Variants in LEO1 observed in about 807,000 individuals in gnomAD.
LEO1 encodes the protein LEO1 component of Paf1/RNA polymerase II complex.
LEO1 carries 34 observed loss-of-function variants against 80.4 expected under a neutral mutation model. The ratio of observed to expected loss-of-function variants is 0.42; its 90% CI spans 0.32 to 0.56. The LOEUF is 0.56. LEO1 is among the 20% of genes least tolerant of loss of function. LEO1 has a pLI of 0.10. For synonymous variants in LEO1, 262 were observed against 274.9 expected (o/e 0.95, Z 0.46); for missense variants, 631 against 814.2 (o/e 0.77, Z 2.74).
Position 51,957,443 on chromosome 15 carries a change from G to A in LEO1, c.1245+1299C>T, listed in dbSNP as rs181413775. On this transcript the variant is annotated intron_variant, in intron 6 of 11. Coordinates refer to ENST00000299601, the MANE Select transcript of LEO1 (RefSeq NM_138792.4). ...GGCTAATAAACAGATGAGTAGATGG[G>A]TGGTGGAGGGAGGACAGGAAAAAAA... Among the ~76,000 whole-genome samples the A allele has an allele frequency of 6.6e-4, 100 of 152,230 alleles. No homozygotes were observed. The East Asian group carries it at 0.015, about 23-fold the overall frequency.
At chr15:51,946,214 A>G (rs1287441080) in intron 11 of LEO1, among the ~76,000 whole-genome samples, 1 of 151,994 alleles carries the variant, frequency 6.6e-6, no homozygotes, top group Non-Finnish European at 1.5e-5. Flanking sequence ...TTTGAGATGG[A>G]GTTTTACTCC....
intron 1 of LEO1, among the ~76,000 whole-genome samples, chr15:51,969,990 G>A (rs902285134): frequency 6.6e-6 from 1 of 152,074 alleles, no homozygotes; most frequent in African/African-American, 2.4e-5. Flanking sequence ...CAAAGATGTG[G>A]GGAAAGGGAA....
chr15:51,958,433 C>A (rs918098725), intron 6 of LEO1, among the ~76,000 whole-genome samples: 1 of 152,138 alleles, frequency 6.6e-6, no homozygotes, highest in African/African-American at 2.4e-5. Flanking sequence ...CCATCCTGAA[C>A]AACAGAGCAA....
At chr15:51,961,779 C>T (rs1025625909) in intron 3 of LEO1, among the ~76,000 whole-genome samples, 4 of 152,044 alleles carry the variant, frequency 2.6e-5, no homozygotes, top group African/African-American at 9.7e-5. Context: ...AGGAACAAAA[C>T]ACCGAGACTG....
At position 51,949,860 on chromosome 15, in the gene LEO1, C is replaced by G. The variant is rs766780626; in HGVS notation, c.1746G>C (p.Glu582Asp). The part of the protein sequence containing the change: ...PDRYDEEEEG[E>D]ESISLAAIKN... ...TAATGGCAGCCAAGCTGATGGACTC[C>G]TCGCCTTCCTCCTCCTCATCGTATC... Residue 582 changes from glutamate (E) to aspartate (D), a missense_variant, in exon 10 of 12, where the codon GAG becomes GAC. By Grantham distance (45) the Glu-to-Asp change is conservative. This residue lies in a region of LEO1 where 117 missense variants were observed against 163.5 expected (regional missense o/e 0.72). Transcript: ENST00000299601. The G allele has an allele frequency of 1.2e-6, 2 of 1,614,050 alleles. No individual in the cohort carries two copies. The highest frequency in any genetic ancestry group is 2.2e-5 in the East Asian group (1 of 44,882).
In LEO1 at chr15:51,957,461, G is replaced by GA. The variant is rs541829435; in HGVS notation, c.1245+1280dup. ...TAGATGGGTGGTGGAGGGAGGACAG[G>GA]AAAAAAAAATAGTGTAAGCAGTATA... On this transcript the variant is annotated intron_variant, in intron 6 of 11. Transcript: ENST00000299601. Among the ~76,000 whole-genome samples the GA allele has an allele frequency of 2.6e-3, 385 of 150,102 alleles. 3 individuals carry two copies. Among genetic ancestry groups the GA allele is most frequent in the Admixed American group, 3.8e-3 (58 of 15,106 alleles).
At chr15:51,965,590 T>G (rs1308269089) in intron 2 of LEO1, among the ~76,000 whole-genome samples, 159 bp downstream of exon 2, 2 of 152,138 alleles carry the variant, frequency 1.3e-5, no homozygotes, top group African/African-American at 2.4e-5. Context: ...TTAGAAAGAT[T>G]TAAAAGAAGC....
chr15:51,942,088 T>A (rs1455481347), intron 11 of LEO1, among the ~76,000 whole-genome samples: 1 of 152,192 alleles, frequency 6.6e-6, no homozygotes, highest in Non-Finnish European at 1.5e-5. Context: ...TCCTGGTGTT[T>A]GAGTGGGCTT....
chr15:51,963,671 G>C (rs1413693108), intron 2 of LEO1, among the ~76,000 whole-genome samples: 1 of 152,054 alleles, frequency 6.6e-6, no homozygotes, highest in Non-Finnish European at 1.5e-5. Flanking sequence ...GGAGGCCAAG[G>C]TGGGCAGATC....
chr15:51,946,593 T>C (rs78124230), intron 11 of LEO1, among the ~76,000 whole-genome samples: 30 of 152,106 alleles, frequency 2.0e-4, no homozygotes, highest in African/African-American at 6.5e-4. Context: ...TCTCACTCTT[T>C]TGCCTAAGCT....
At position 51,958,775 on chromosome 15, in the gene LEO1, C is replaced by T; in HGVS notation, c.1212G>A (p.Leu404=). ...YEDEFEDEEM[L]DEEGRTRLKL... is the part of the protein sequence containing the mutation. ...TTAACCTGGTTCTACCTTCTTCATC[C>T]AGCATTTCTTCATCTTCAAATTCAT... is the stretch of plus-strand genomic sequence containing the variant. The change falls in exon 6 of 12, where the codon CTG becomes CTA. Residue 404 remains leucine, a synonymous_variant. Transcript: ENST00000299601. 1.3e-6 allele frequency: 2 copies of T among 1,599,542 alleles called. No homozygotes were observed. The highest frequency in any genetic ancestry group is 1.7e-6 in the Non-Finnish European group (2 of 1,172,328).
intron 6 of LEO1, among the ~76,000 whole-genome samples, chr15:51,957,133 G>C (rs1052237902): frequency 2.4e-4 from 37 of 152,058 alleles, no homozygotes; most frequent in Non-Finnish European, 4.6e-4. Flanking sequence ...TTTGAAGTCT[G>C]ACACCCATAC....
rs1170427198 is a variant in LEO1, at chr15:51,959,958, A to T, written c.1101T>A (p.Thr367=). The change falls in exon 5 of 12, where the codon ACT becomes ACA. Residue 367 remains threonine (T), a synonymous_variant. Coordinates refer to ENST00000299601, the MANE Select transcript of LEO1 (RefSeq NM_138792.4). ...RIEVEIPKVN[T]DLGNDLYFVK... ...CAAAATATAAGTCGTTTCCTAAATC[A>T]GTGTTTACTTTGGGTATTTCTACTT... The T allele has an allele frequency of 3.1e-6, 5 of 1,613,322 alleles. No homozygotes were observed. The South Asian group carries it at 5.5e-5, about 18-fold the overall frequency.
At chr15:51,951,687 G>A (rs962602849) in intron 9 of LEO1, among the ~76,000 whole-genome samples, 157 bp downstream of exon 9, 1 of 152,196 alleles carries the variant, frequency 6.6e-6, no homozygotes, top group African/African-American at 2.4e-5. Flanking sequence ...GTCACCAATT[G>A]TTTGGCAAAT....
At chr15:51,940,212 A>G (rs563965721) in intron 11 of LEO1, among the ~76,000 whole-genome samples, 4 of 137,688 alleles carry the variant, frequency 2.9e-5, no homozygotes, top group African/African-American at 1.1e-4. Context: ...CAGAAATCAC[A>G]CCACTGCTCT....
At chr15:51,945,415 A>G (rs2056891992) in intron 11 of LEO1, among the ~76,000 whole-genome samples, 1 of 152,026 alleles carries the variant, frequency 6.6e-6, no homozygotes, top group Admixed American at 6.6e-5. Context: ...CTCAGGGCCT[A>G]TGCACTTCCT....
intron 3 of LEO1, among the ~76,000 whole-genome samples, chr15:51,961,320 G>C (rs1197946559): frequency 1.3e-5 from 2 of 149,712 alleles, no homozygotes; most frequent in African/African-American, 2.5e-5. Flanking sequence ...CCTGGCGGTA[G>C]AACTCCTTTC....
intron 6 of LEO1, 56 bp from the exon 7 acceptor site, chr15:51,954,631 T>C: frequency 8.7e-7 from 1 of 1,150,592 alleles, no homozygotes; most frequent in Admixed American, 1.7e-5. Flanking sequence ...TCTATGCATC[T>C]TGTTTTTCCT....
intron 8 of LEO1, 72 bp from the exon 9 acceptor site, chr15:51,952,051 C>A (rs1361180470): frequency 4.3e-6 from 6 of 1,391,640 alleles, no homozygotes; most frequent in Non-Finnish European, 5.9e-6. Flanking sequence ...ACCCACGTCA[C>A]AGAAGTAAGA....
Sources: gnomAD v4.1 joint callset for allele counts (sites outside exome capture counted in the v4.1 genomes callset) on GRCh38, gnomAD v4.1.1 for gene constraint, gnomAD v4.1.1 regional missense constraint, MANE v1.5 for transcripts, NCBI Gene and HGNC (gene_info 2026-07-23, HGNC 2026-07-21) for gene names.